RPS6KA2: variants seen among roughly 807,000 people sequenced by gnomAD.
RPS6KA2 encodes ribosomal protein S6 kinase A2, also known as ribosomal protein S6 kinase alpha-2.
Under a neutral mutation model 91.8 loss-of-function variants are expected in RPS6KA2, and 42 were observed. That is an observed-to-expected ratio of 0.46 (90% CI 0.36 to 0.59). RPS6KA2 has a LOEUF of 0.59. Ranked by LOEUF, RPS6KA2 falls within the 20% of genes least tolerant of loss-of-function variation. The probability of loss-of-function intolerance (pLI) is 0.00; values close to 1 mark genes in which losing one functional copy is unlikely to be tolerated. For synonymous variants in RPS6KA2, 414 were observed against 393.6 expected, an observed-to-expected ratio of 1.05 and a Z score of -0.61; for missense variants, 798 against 978.5, an observed-to-expected ratio of 0.82 and a Z score of 2.46.
chr6:166,485,105 T>A (rs1021795204), intron 10 of RPS6KA2, among the ~76,000 whole-genome samples: 3 of 152,156 alleles, frequency 2.0e-5, no homozygotes, highest in Non-Finnish European at 1.5e-5. Flanking sequence ...CCACCACCCA[T>A]GGGGCCTGCC....
rs565836036 is a variant in RPS6KA2 at position 166,732,870 on chromosome 6, G to C, written c.123+125330C>G. Among the ~76,000 whole-genome samples, 20 of 151,768 alleles carry C rather than the reference G, an allele frequency of 1.3e-4. No homozygotes were observed. The highest frequency in any genetic ancestry group is 4.6e-4 in the African/African-American group (19 of 41,032). On this transcript the variant is annotated intron_variant, in intron 2 of 21. Coordinates refer to the RPS6KA2 transcript ENST00000503859. This position sits in a 1 kb window ranked among gnomAD's most constrained non-coding sequence, Gnocchi z 4.0. ...GAACAGCCAAAGTGAAGGCTGCTCTGGTTCAAGTTGGTGTTCAAATAAAAG... is the reference window on the plus strand; with the variant it reads ...GAACAGCCAAAGTGAAGGCTGCTCTCGTTCAAGTTGGTGTTCAAATAAAAG...
intron 2 of RPS6KA2, among the ~76,000 whole-genome samples, chr6:166,689,348 ACT>A (rs1789128292): frequency 6.6e-6 from 1 of 152,150 alleles, no homozygotes. Context: ...CGTTAGCAGA[ACT>A]CTCTGCACAC....
At chr6:166,463,792 A>C (rs1232909218) in intron 11 of RPS6KA2, among the ~76,000 whole-genome samples, 15 of 152,226 alleles carry the variant, frequency 9.9e-5, no homozygotes. Context: ...TAATGCAAAA[A>C]TATGCAGACC....
chr6:166,582,173 G>A lies in RPS6KA2; in HGVS notation c.100-43389C>T, dbSNP rs566676509. On this transcript the variant is annotated intron_variant, in intron 1 of 20. Coordinates refer to ENST00000265678, the MANE Select transcript of RPS6KA2 (RefSeq NM_021135.6). ...ACTGGGCAGGTGGGCTGGGCAGGAG[G>A]GCACAGGGAGAGGTGAGATGGGGTG... Among the ~76,000 whole-genome samples, 6 of 152,130 alleles carry A rather than the reference G, an allele frequency of 3.9e-5. No homozygotes were observed. In the South Asian group the frequency reaches 1.2e-3, roughly 32 times the overall value.
chr6:166,447,391 A>G (rs900624498), intron 14 of RPS6KA2, among the ~76,000 whole-genome samples: 1 of 152,240 alleles, frequency 6.6e-6, no homozygotes, highest in Non-Finnish European at 1.5e-5. Context: ...TTATTTCTCC[A>G]TATTTAAACT....
At chr6:166,438,839 T>C (rs1029520470) in intron 14 of RPS6KA2, among the ~76,000 whole-genome samples, 1 of 152,346 alleles carries the variant, frequency 6.6e-6, no homozygotes, top group Admixed American at 6.5e-5. Flanking sequence ...AATTCCTAAA[T>C]GGCTAAGCTG....
At chr6:166,532,937 CTG>C (rs1783340667) in intron 2 of RPS6KA2, among the ~76,000 whole-genome samples, 1 of 152,144 alleles carries the variant, frequency 6.6e-6, no homozygotes, top group Non-Finnish European at 1.5e-5. Context: ...CTTACGCACA[CTG>C]TGGTGGGAGA....
At position 166,498,454 on chromosome 6, in the gene RPS6KA2, G is replaced by A. The variant is rs538466708; in HGVS notation, c.747+54C>T. 21 of 1,548,068 alleles carry A rather than the reference G, an allele frequency of 1.4e-5. No individual in the cohort carries two copies. In the South Asian group the frequency reaches 2.3e-4, roughly 17 times the overall value. ...ACCTCTGAACCAACCTGGGGACAGG[G>A]GTCCACGTGGGGAACAGCCGCCATG... On this transcript the variant is annotated intron_variant, in intron 8 of 20. Coordinates refer to ENST00000265678, the MANE Select transcript of RPS6KA2 (RefSeq NM_021135.6).
At position 166,410,892 on chromosome 6, in the gene RPS6KA2, A is replaced by C. The variant is rs965510691; in HGVS notation, c.*1870T>G. 6.6e-6 allele frequency: 1 copy of C among 152,080 alleles called. No homozygotes were observed. Among genetic ancestry groups the C allele is most frequent in the African/African-American group, 2.4e-5 (1 of 41,408 alleles). 9.4% of individuals were successfully genotyped at this position (152,080 alleles called of 1,614,324 possible). On this transcript the variant is annotated 3_prime_UTR_variant, in exon 21 of 21. Coordinates refer to ENST00000265678, the MANE Select transcript of RPS6KA2 (RefSeq NM_021135.6). ...CTTTTGTTCATTTCTGGGAGGACAG[A>C]TTGTGTGACCTCAGGATTATCCACT...
At chr6:166,756,737 T>G (rs958563789) in intron 2 of RPS6KA2, among the ~76,000 whole-genome samples, 12 of 152,126 alleles carry the variant, frequency 7.9e-5, no homozygotes, top group Admixed American at 2.6e-4. Context: ...TCCCAGCTAC[T>G]TAGGGGGCTG....
Position 166,510,314 on chromosome 6 carries a change from T to G in RPS6KA2, c.342A>C (p.Ala114=). The change falls in exon 4 of 21, where the codon GCA becomes GCC. Residue 114 remains alanine (A), a synonymous_variant. Transcript: ENST00000265678. ...VRSKMERDIL[A]EVNHPFIVKL... ...TCACAATGAAGGGGTGATTCACTTC[T>G]GCCAAGATGTCTCTCTCCATCTTCG... 1.9e-6 allele frequency: 3 copies of G among 1,603,346 alleles called. No individual in the cohort carries two copies. Among genetic ancestry groups the G allele is most frequent in the Non-Finnish European group, 2.6e-6 (3 of 1,173,482 alleles).
At chr6:166,541,099 C>CCCAAAATAGCTCCCATCATGCAGCCT (rs1336494628) in intron 1 of RPS6KA2, among the ~76,000 whole-genome samples, 2 of 152,230 alleles carry the variant, frequency 1.3e-5, no homozygotes, top group African/African-American at 4.8e-5. Context: ...CAGCCTCCCT[C>CCCAAAATAGCTCCCATCATGCAGCCT]CCAAAATAGC....
intron 16 of RPS6KA2, among the ~76,000 whole-genome samples, chr6:166,426,327 C>G (rs1166679488): frequency 7.3e-6 from 1 of 136,518 alleles, no homozygotes; most frequent in Non-Finnish European, 1.6e-5. Context: ...ATTTATAGCA[C>G]TAAATGCCCA....
intron 2 of RPS6KA2, among the ~76,000 whole-genome samples, chr6:166,743,428 G>A (rs1012693681): frequency 3.0e-4 from 46 of 152,210 alleles, no homozygotes; most frequent in African/African-American, 1.1e-3. Context: ...CAATTTCAGC[G>A]ACTTTAGCCA....
At chr6:166,466,881 C>CATTCACTCCCTT (rs1554277322) in intron 11 of RPS6KA2, among the ~76,000 whole-genome samples, 1 of 38,426 alleles carries the variant, frequency 2.6e-5, no homozygotes. Flanking sequence ...TTCACTCACT[C>CATTCACTCCCTT]ACTCATTCAC....
intron 2 of RPS6KA2, among the ~76,000 whole-genome samples, chr6:166,796,542 T>C (rs561535555): frequency 7.9e-6 from 1 of 126,722 alleles, no homozygotes; most frequent in South Asian, 2.9e-4. Flanking sequence ...TGAGCAGCGA[T>C]GGTGCCACTG....
intron 3 of RPS6KA2, among the ~76,000 whole-genome samples, chr6:166,517,490 A>T: frequency 1.1e-5 from 1 of 92,512 alleles, no homozygotes; most frequent in South Asian, 3.3e-4. Context: ...TTTTTTTGAG[A>T]CGGAGTCTCG....
At chr6:166,450,047 C>G in intron 13 of RPS6KA2, among the ~76,000 whole-genome samples, 1 of 150,432 alleles carries the variant, frequency 6.6e-6, no homozygotes, top group Non-Finnish European at 1.5e-5. Context: ...CCATGGGAAC[C>G]ACCACAGGGA....
At chr6:166,532,884 C>T (rs1334882096) in intron 2 of RPS6KA2, among the ~76,000 whole-genome samples, 1 of 151,864 alleles carries the variant, frequency 6.6e-6, no homozygotes, top group Non-Finnish European at 1.5e-5. Flanking sequence ...GCTGGATAAA[C>T]AAGCTTGTGG....
Sources: gnomAD v4.1 joint callset for allele counts (sites outside exome capture counted in the v4.1 genomes callset) on GRCh38, gnomAD v4.1.1 for gene constraint, Gnocchi (gnomAD v3.1) non-coding constraint, MANE v1.5 for transcripts, NCBI Gene and HGNC (gene_info 2026-07-23, HGNC 2026-07-21) for gene names.